The following ATP7B variants were observed in gnomAD, a reference collection of about 807,000 sequenced individuals.
ATP7B encodes the protein ATPase copper transporting beta, also known as copper-transporting ATPase 2.
In ATP7B, 113 loss-of-function variants were observed where a neutral mutation model predicts 118.9. The ratio of observed to expected loss-of-function variants is 0.95; its 90% confidence interval spans 0.82 to 1.11. ATP7B has a LOEUF of 1.11. ATP7B is among the 50% of genes most tolerant of loss of function. The probability of loss-of-function intolerance (pLI) is 0.00; values close to 1 mark genes in which losing one functional copy is unlikely to be tolerated. For synonymous variants in ATP7B, 777 were observed against 727.4 expected, an observed-to-expected ratio of 1.07 and a Z score of -1.10; for missense variants, 1,867 against 1,871.4, an observed-to-expected ratio of 1.00 and a Z score of 0.04.
Position 51,952,993 on chromosome 13 carries a change from A to C in ATP7B, c.2448-2594T>G, listed in dbSNP as rs142606720. 5.7e-3 allele frequency among the ~76,000 whole-genome samples: 873 copies of C among 152,292 alleles called. 6 individuals are homozygous for C. Among genetic ancestry groups the C allele is most frequent in the African/African-American group, 0.02 (838 of 41,544 alleles). ...TAACTAAAAGCAGACACACAGATGG[A>C]CAGTTAAGACACACACAGAAAGTTC... On this transcript the variant is annotated intron_variant, in intron 9 of 20. Coordinates refer to ENST00000242839, the MANE Select transcript of ATP7B (RefSeq NM_000053.4).
At position 51,935,043 on chromosome 13, in the gene ATP7B, A is replaced by T. The variant is rs766518264; in HGVS notation, c.4125-14T>A. 1.9e-6 allele frequency: 3 copies of T among 1,612,820 alleles called. No individual in the cohort carries two copies. The highest frequency in any genetic ancestry group is 2.5e-6 in the Non-Finnish European group (3 of 1,179,908). The stretch of plus-strand genomic sequence containing the variant: ...GGCTTCTTATAGCTGGAAAGCAGGA[A>T]CGCAACAGCATCTGAGCCATTCTAG... On this transcript the variant is annotated splice_polypyrimidine_tract_variant and intron_variant, in intron 20 of 20. Coordinates refer to ENST00000242839, the MANE Select transcript of ATP7B (RefSeq NM_000053.4).
At chr13:51,952,387 T>C (rs1958064211) in intron 9 of ATP7B, among the ~76,000 whole-genome samples, 1 of 152,218 alleles carries the variant, frequency 6.6e-6, no homozygotes, top group Non-Finnish European at 1.5e-5. Context: ...TCTGAGGTTA[T>C]TTTACACCTT....
chr13:51,982,118 A>G (rs1398730418), intron 1 of ATP7B, among the ~76,000 whole-genome samples: 1 of 151,916 alleles, frequency 6.6e-6, no homozygotes, highest in East Asian at 1.9e-4. Flanking sequence ...AAGTTTGGAC[A>G]CCCCTGCTCT....
chr13:51,981,265 G>A (rs1593812271), intron 1 of ATP7B, among the ~76,000 whole-genome samples: 1 of 152,154 alleles, frequency 6.6e-6, no homozygotes, highest in Non-Finnish European at 1.5e-5. Context: ...AAAGTGAAAT[G>A]AAAATAAACA....
At position 51,974,431 on chromosome 13, in the gene ATP7B, T is replaced by C. The variant is rs2140089802; in HGVS notation, c.789A>G (p.Ile263Met). The C allele has an allele frequency of 6.2e-7, 1 of 1,614,072 alleles. No homozygotes were observed. The highest frequency in any genetic ancestry group is 8.5e-7 in the Non-Finnish European group (1 of 1,180,038). Residue 263 changes from isoleucine to methionine, a missense_variant, in exon 2 of 21, where the codon ATA becomes ATG. Ile to Met is a conservative substitution (Grantham distance 10, BLOSUM62 1). Coordinates refer to ENST00000242839, the MANE Select transcript of ATP7B (RefSeq NM_000053.4). ...CGCAAGACTTACAATGCATTCCATC[T>C]ATTCTCAGTTGGAGGGTGACCACAT... ...GSHVVTLQLR[I>M]DGMHCKSCVL...
At chr13:52,010,604 CAT>C (rs768122717) in intron 1 of ATP7B, among the ~76,000 whole-genome samples, 2 of 152,204 alleles carry the variant, frequency 1.3e-5, no homozygotes, top group Non-Finnish European at 2.9e-5. Context: ...ACAGTGATCT[CAT>C]TTAGGTAAAA....
At chr13:51,957,117 A>G (rs933486159) in intron 9 of ATP7B, among the ~76,000 whole-genome samples, 1 of 152,226 alleles carries the variant, frequency 6.6e-6, no homozygotes, top group Non-Finnish European at 1.5e-5. Context: ...AACCTTAAGA[A>G]GAAGATAAAT....
rs1409693685 is a variant in ATP7B, at chr13:51,974,691, A to G, written c.529T>C (p.Ser177Pro). Residue 177 changes from serine (S) to proline (P), a missense_variant, in exon 2 of 21, where the codon TCA becomes CCA. Coordinates refer to ENST00000242839, the MANE Select transcript of ATP7B (RefSeq NM_000053.4). ...ATGACGGCCTCTTGGTTGCTGAGTG[A>G]GACTTTGACTCTCACTACTCCTTGC... is the stretch of plus-strand genomic sequence containing the variant. ...KLQGVVRVKV[S>P]LSNQEAVITY... 6.2e-7 allele frequency: 1 copy of G among 1,611,350 alleles called. No homozygotes were observed. The highest frequency in any genetic ancestry group is 1.7e-5 in the Admixed American group (1 of 59,940).
Position 51,945,993 on chromosome 13 carries a change from T to A in ATP7B, c.3060+291A>T, listed in dbSNP as rs75816432. 6.8e-3 allele frequency among the ~76,000 whole-genome samples: 1,038 copies of A among 152,278 alleles called. 12 individuals are homozygous for A. Among genetic ancestry groups the A allele is most frequent in the African/African-American group, 0.024 (1,002 of 41,552 alleles). ...GTTAGCTGCAGGCGTTTGGTCAAGT[T>A]ACCTAATCTCCTCCTGCTGCAGTTT... On this transcript the variant is annotated intron_variant, in intron 13 of 20. Transcript: ENST00000242839.
intron 1 of ATP7B, among the ~76,000 whole-genome samples, chr13:52,007,801 G>T (rs532746587): frequency 1.3e-5 from 2 of 152,282 alleles, no homozygotes; most frequent in East Asian, 1.9e-4. Context: ...TAATTTGCTA[G>T]AACAGCTCGC....
chr13:51,962,424 TCA>T (rs1176220817), intron 5 of ATP7B, among the ~76,000 whole-genome samples: 3 of 152,200 alleles, frequency 2.0e-5, no homozygotes, highest in Non-Finnish European at 4.4e-5. Context: ...TGTGCTTTGC[TCA>T]CAGTTTAACT....
At position 51,974,710 on chromosome 13, in the gene ATP7B, T is replaced by G. The variant is rs2140099250; in HGVS notation, c.510A>C (p.Gly170=). 1 of 1,613,796 alleles carries G rather than the reference T, an allele frequency of 6.2e-7. No homozygotes were observed. Among genetic ancestry groups the G allele is most frequent in the Non-Finnish European group, 8.5e-7 (1 of 1,179,676 alleles). The change falls in exon 2 of 21, where the codon GGA becomes GGC. Residue 170 remains glycine, a synonymous_variant. Coordinates refer to ENST00000242839, the MANE Select transcript of ATP7B (RefSeq NM_000053.4). The stretch of plus-strand genomic sequence containing the variant: ...TGAGTGAGACTTTGACTCTCACTAC[T>G]CCTTGCAGTTTCCGGACCTTGCCTT... ...SIEGKVRKLQ[G]VVRVKVSLSN...
chr13:52,005,766 T>C (rs1953737455), intron 1 of ATP7B, among the ~76,000 whole-genome samples: 1 of 152,206 alleles, frequency 6.6e-6, no homozygotes, highest in Non-Finnish European at 1.5e-5. Context: ...GGATCTGTTA[T>C]ACCAACACTC....
chr13:51,946,083 G>A (rs554452189), intron 13 of ATP7B, among the ~76,000 whole-genome samples: 1 of 152,334 alleles, frequency 6.6e-6, no homozygotes, highest in African/African-American at 2.4e-5. Context: ...ATTAAATCAA[G>A]TAATGTTGAT....
rs766800003 is a variant in ATP7B at position 51,939,193 on chromosome 13, C to G, written c.3557G>C (p.Gly1186Ala). ...GQTAILVAID[G>A]VLCGMIAIAD... ...GATTGCGATCATCCCACAGAGCACA[C>G]CTGGAGCGAACCAGCCAGCATCAGC... The change falls in exon 17 of 21, where the codon GGT becomes GCT. Residue 1186 changes from glycine to alanine, a missense_variant and splice_region_variant. Gly to Ala is a moderately conservative substitution (Grantham distance 60, BLOSUM62 0). Coordinates refer to ENST00000242839, the MANE Select transcript of ATP7B (RefSeq NM_000053.4). 1 of 1,613,080 alleles carries G rather than the reference C, an allele frequency of 6.2e-7. No individual in the cohort carries two copies. The highest frequency in any genetic ancestry group is 8.5e-7 in the Non-Finnish European group (1 of 1,180,030).
intron 4 of ATP7B, chr13:51,966,916 A>G: frequency 6.2e-7 from 1 of 1,613,132 alleles, no homozygotes; most frequent in Non-Finnish European, 8.5e-7. Flanking sequence ...AACCGAGAGC[A>G]CTTTGAAAAC....
intron 1 of ATP7B, among the ~76,000 whole-genome samples, chr13:52,004,271 G>A (rs1953671606): frequency 6.6e-6 from 1 of 152,080 alleles, no homozygotes; most frequent in East Asian, 1.9e-4. Flanking sequence ...CAAAAAAAAA[G>A]AGAGAGCAGG....
intron 1 of ATP7B, among the ~76,000 whole-genome samples, chr13:51,985,042 G>A (rs569617451): frequency 1.3e-5 from 2 of 152,172 alleles, no homozygotes; most frequent in Non-Finnish European, 2.9e-5. Flanking sequence ...GCATCATAAT[G>A]ACAGGATCAA....
chr13:51,939,100 AC>A lies in ATP7B; in HGVS notation c.3649del (p.Val1217PhefsTer2). The A allele has an allele frequency of 2.5e-6, 4 of 1,614,172 alleles. No homozygotes were observed. Among genetic ancestry groups the A allele is most frequent in the Non-Finnish European group, 3.4e-6 (4 of 1,180,000 alleles). ...CTTCCGGTTGTCCCCCGTGATCAGA[AC>A]CACGTCCACACCCATGCTCTGCAGC... ...HTLQSMGVDVVLITGDNRKTA... is the reference protein window; with the variant it reads ...HTLQSMGVDVXLITGDNRKTA... On this transcript the variant is annotated frameshift_variant, in exon 17 of 21. Coordinates refer to ENST00000242839, the MANE Select transcript of ATP7B (RefSeq NM_000053.4). LOFTEE classifies it high-confidence loss of function.
Sources: gnomAD v4.1 joint callset for allele counts (sites outside exome capture counted in the v4.1 genomes callset) on GRCh38, gnomAD v4.1.1 for gene constraint, MANE v1.5 for transcripts, NCBI Gene and HGNC (gene_info 2026-07-23, HGNC 2026-07-21) for gene names.